RASA3: variants seen among roughly 807,000 people sequenced by gnomAD.
RASA3 encodes the protein ras GTPase-activating protein 3.
Under a neutral mutation model 110.0 loss-of-function variants are expected in RASA3, and 73 were observed. That is an observed-to-expected ratio of 0.66 (90% confidence interval 0.55 to 0.81). The LOEUF is 0.81. RASA3 is among the 30% of genes least tolerant of loss of function. RASA3 has a pLI of 0.00. For missense variants in RASA3, 976 were observed against 1,113.2 expected (o/e 0.88, Z 1.75); for synonymous variants, 500 against 451.4 (o/e 1.11, Z -1.37).
chr13:114,100,793 A>G (rs972976454), intron 1 of RASA3, among the ~76,000 whole-genome samples: 2 of 152,156 alleles, frequency 1.3e-5, no homozygotes, highest in Non-Finnish European at 2.9e-5. Flanking sequence ...GGCCCCAGGG[A>G]CACCGGAAGC....
chr13:114,041,065 G>A lies in RASA3; in HGVS notation c.307C>T (p.Gln103Ter). The A allele has an allele frequency of 1.9e-6, 3 of 1,613,838 alleles. No homozygotes were observed. The highest frequency in any genetic ancestry group is 1.7e-4 in the Middle Eastern group (1 of 6,060). ...CAGGTGTCCCTGTTGTGGTACTTCT[G>A]CAAGTCCTCCTTCTGGATGGCCACC... ...GKVAIQKEDLQKYHNRDTWFQ... is the reference protein window; with the variant it reads ...GKVAIQKEDL The change falls in exon 4 of 24, where the codon CAG becomes TAG. Residue 103 changes from glutamine (Q) to a stop codon, truncating the protein, a stop_gained. Coordinates refer to ENST00000334062, the MANE Select transcript of RASA3 (RefSeq NM_007368.4). LOFTEE classifies it high-confidence loss of function.
At position 114,114,795 on chromosome 13, in the gene RASA3, C is replaced by T. The variant is rs1349232807; in HGVS notation, c.55+17640G>A. The stretch of plus-strand genomic sequence containing the variant: ...TTACTTGGCTTTGATTTTTCAACCA[C>T]CCGCCCTCATGTGCAGGGACAGGGC... On this transcript the variant is annotated intron_variant, in intron 1 of 23. Transcript: ENST00000334062. This position sits in a 1 kb window ranked among gnomAD's most constrained non-coding sequence, Gnocchi z 4.8. Among the ~76,000 whole-genome samples, 1 of 152,232 alleles carries T rather than the reference C, an allele frequency of 6.6e-6. No individual in the cohort carries two copies. Among genetic ancestry groups the T allele is most frequent in the African/African-American group, 2.4e-5 (1 of 41,458 alleles).
intron 16 of RASA3, among the ~76,000 whole-genome samples, chr13:114,010,925 C>T (rs2053624770): frequency 6.8e-6 from 1 of 146,462 alleles, no homozygotes; most frequent in Non-Finnish European, 1.5e-5. Flanking sequence ...GATGCTGCTC[C>T]TGCCACGGGG....
At chr13:113,981,434 C>T (rs570419905) in intron 23 of RASA3, among the ~76,000 whole-genome samples, 7 of 152,306 alleles carry the variant, frequency 4.6e-5, no homozygotes, top group South Asian at 4.1e-4. Flanking sequence ...GGAGGCAGCC[C>T]GGACGCTGGC....
intron 13 of RASA3, 122 bp downstream of exon 13, chr13:114,016,075 C>G (rs1178371628): frequency 1.2e-6 from 1 of 807,770 alleles, no homozygotes. Flanking sequence ...CGGGTATCCC[C>G]ACGCCTGGTC....
intron 1 of RASA3, among the ~76,000 whole-genome samples, chr13:114,097,595 G>A (rs1035945441): frequency 6.6e-6 from 1 of 152,240 alleles, no homozygotes; most frequent in Non-Finnish European, 1.5e-5. Flanking sequence ...CCTTCTCCCA[G>A]AAGAGAGCAG....
At chr13:113,991,303 G>A (rs935952050) in intron 22 of RASA3, among the ~76,000 whole-genome samples, 5 of 152,156 alleles carry the variant, frequency 3.3e-5, no homozygotes, top group Non-Finnish European at 7.4e-5. Context: ...ATGGGCAGCT[G>A]CATGGACACT....
At chr13:114,052,633 G>A (rs1023498294) in intron 2 of RASA3, among the ~76,000 whole-genome samples, 5 of 152,274 alleles carry the variant, frequency 3.3e-5, no homozygotes, top group Middle Eastern at 3.4e-3. Context: ...CTCACTCCTC[G>A]GGGAGAGACC....
chr13:114,097,761 C>G (rs34184708), intron 1 of RASA3, among the ~76,000 whole-genome samples: 1 of 152,212 alleles, frequency 6.6e-6, no homozygotes, highest in Non-Finnish European at 1.5e-5. Context: ...GTGCAGGTTT[C>G]TAGGGCAAGA....
chr13:114,127,177 C>A (rs1027145924), intron 1 of RASA3, among the ~76,000 whole-genome samples: 1 of 152,260 alleles, frequency 6.6e-6, no homozygotes, highest in Admixed American at 6.5e-5. Flanking sequence ...GGTTCACACG[C>A]TCCTTAGCTC....
intron 1 of RASA3, among the ~76,000 whole-genome samples, chr13:114,075,079 G>A (rs1362780910): frequency 6.6e-6 from 1 of 152,234 alleles, no homozygotes; most frequent in Non-Finnish European, 1.5e-5. Flanking sequence ...CGCAGGATGA[G>A]AGGACAGATG....
At chr13:114,009,936 G>C (rs948171625) in intron 16 of RASA3, among the ~76,000 whole-genome samples, 2 of 151,646 alleles carry the variant, frequency 1.3e-5, no homozygotes, top group Non-Finnish European at 2.9e-5. Flanking sequence ...CCAGGGATTC[G>C]GGGGGGCCTT....
At chr13:114,080,789 G>A (rs1281185054) in intron 1 of RASA3, among the ~76,000 whole-genome samples, 3 of 131,956 alleles carry the variant, frequency 2.3e-5, no homozygotes, top group African/African-American at 8.6e-5. Context: ...AGAGTGCAGG[G>A]TGTCTTCTGT....
chr13:114,043,837 G>GCCCCCCCCCCCCCCCC (rs544129523), intron 3 of RASA3, among the ~76,000 whole-genome samples: 120 of 22,808 alleles, frequency 5.3e-3, no homozygotes, highest in Non-Finnish European at 5.7e-3. Context: ...CACTCGCTGA[G>GCCCCCCCCCCCCCCCC]CCCCCCGCCC....
At chr13:113,999,704 C>T (rs750718946) in intron 19 of RASA3, 37 bp from the exon 20 acceptor site, 2 of 1,534,622 alleles carry the variant, frequency 1.3e-6, no homozygotes, top group Admixed American at 1.7e-5. Context: ...GTGCGGGCCC[C>T]GCTGTCCCGG....
chr13:114,010,508 G>A (rs1227767076), intron 16 of RASA3, among the ~76,000 whole-genome samples: 2 of 151,422 alleles, frequency 1.3e-5, no homozygotes, highest in Non-Finnish European at 2.9e-5. Flanking sequence ...TGACCTGGTG[G>A]CACCAGATCC....
At chr13:114,040,965 G>A in intron 4 of RASA3, 35 bp downstream of exon 4, 1 of 1,604,592 alleles carries the variant, frequency 6.2e-7, no homozygotes, top group Non-Finnish European at 8.5e-7. Flanking sequence ...GGTGTCCCAG[G>A]GCTCTGGTTT....
At chr13:114,022,663 A>G (rs2053950634) in intron 8 of RASA3, among the ~76,000 whole-genome samples, 1 of 152,252 alleles carries the variant, frequency 6.6e-6, no homozygotes, top group African/African-American at 2.4e-5. Flanking sequence ...CAGAAGGAAC[A>G]TGAGGGGACC....
Position 113,979,098 on chromosome 13 carries a change from C to A in RASA3, c.*249G>T, listed in dbSNP as rs147970919. ...CCTTCAGCTGATCCCCAGATCCCCACAAACAAGGAGCAAAAAGCACAGAAT... is the reference window on the plus strand; with the variant it reads ...CCTTCAGCTGATCCCCAGATCCCCAAAAACAAGGAGCAAAAAGCACAGAAT... On this transcript the variant is annotated 3_prime_UTR_variant, in exon 24 of 24. Coordinates refer to ENST00000334062, the MANE Select transcript of RASA3 (RefSeq NM_007368.4). 5.7e-6 allele frequency: 3 copies of A among 526,868 alleles called. No homozygotes were observed. Among genetic ancestry groups the A allele is most frequent in the African/African-American group, 3.8e-5 (2 of 52,368 alleles). The allele number at this position is 526,868 out of a possible 1,614,324, so 32.6% of individuals were successfully genotyped here.
Sources: gnomAD v4.1 joint callset for allele counts (sites outside exome capture counted in the v4.1 genomes callset) on GRCh38, gnomAD v4.1.1 for gene constraint, Gnocchi (gnomAD v3.1) non-coding constraint, MANE v1.5 for transcripts, NCBI Gene and HGNC (gene_info 2026-07-23, HGNC 2026-07-21) for gene names.